Variants in PDE2A observed in about 807,000 individuals in gnomAD.
The protein encoded by PDE2A is phosphodiesterase 2A.
A neutral mutation model predicts 133.6 loss-of-function variants in PDE2A; 53 were observed. That is an observed-to-expected ratio of 0.40 (90% CI 0.32 to 0.50). The LOEUF (loss-of-function observed/expected upper bound fraction) is 0.50. Ranked by LOEUF, PDE2A falls within the 20% of genes least tolerant of loss-of-function variation. PDE2A has a pLI of 0.73. For synonymous variants in PDE2A, 491 were observed against 490.2 expected, an observed-to-expected ratio of 1.00 and a Z score of -0.02; for missense variants, 796 against 1,232.4, an observed-to-expected ratio of 0.65 and a Z score of 5.30.
Position 72,648,471 on chromosome 11 carries a change from G to A in PDE2A, c.72-6145C>T, listed in dbSNP as rs139156846. 1.6e-3 allele frequency among the ~76,000 whole-genome samples: 244 copies of A among 152,258 alleles called. 3 individuals are homozygous for A. The highest frequency in any genetic ancestry group is 5.8e-3 in the African/African-American group (240 of 41,536). ...TTCCCAGAGCCCTGGCAGCAGCTCT[G>A]GGTCAGGAAGGGTACAGGCTGAGTG... On this transcript the variant is annotated intron_variant, in intron 1 of 30. Transcript: ENST00000334456.
chr11:72,666,176 C>G (rs1312761371), intron 1 of PDE2A, among the ~76,000 whole-genome samples: 1 of 152,134 alleles, frequency 6.6e-6, no homozygotes, highest in Non-Finnish European at 1.5e-5. Flanking sequence ...AGACTTGGCT[C>G]TCCTCTGAGC....
At chr11:72,653,205 T>TG (rs1427421301) in intron 1 of PDE2A, among the ~76,000 whole-genome samples, 1 of 152,142 alleles carries the variant, frequency 6.6e-6, no homozygotes, top group East Asian at 1.9e-4. Flanking sequence ...GGGCTGGACC[T>TG]GCTGCCTGGC....
chr11:72,581,408 G>C lies in PDE2A; in HGVS notation c.1994C>G (p.Ser665Cys). ...CTTGTAGAGCAGGTAGCAGAAGTGGGAGACAGAAAAGGCGTGCATCCAGTT... is the reference window on the plus strand; with the variant it reads ...CTTGTAGAGCAGGTAGCAGAAGTGGCAGACAGAAAAGGCGTGCATCCAGTT... ...YHNWMHAFSV[S>C]HFCYLLYKNL... Residue 665 changes from serine to cysteine, a missense_variant, in exon 23 of 31, where the codon TCC (serine) becomes TGC (cysteine). Ser to Cys is a moderately radical substitution (Grantham distance 112). Around this residue, in one of 7 missense-constraint regions of PDE2A, gnomAD observed 218 missense variants for 465.9 expected, o/e 0.47. Transcript: ENST00000334456. 1.9e-6 allele frequency: 3 copies of C among 1,612,648 alleles called. No individual in the cohort carries two copies. Among genetic ancestry groups the C allele is most frequent in the Non-Finnish European group, 2.5e-6 (3 of 1,179,662 alleles).
chr11:72,608,794 C>A (rs1857082241), intron 2 of PDE2A, 43 bp from the exon 3 acceptor site: 2 of 1,112,392 alleles, frequency 1.8e-6, no homozygotes, highest in East Asian at 5.1e-5. Context: ...GCCAGGCAGG[C>A]CAGGGCAGCC....
At chr11:72,604,182 G>A (rs1565164567) in intron 4 of PDE2A, among the ~76,000 whole-genome samples, 1 of 152,308 alleles carries the variant, frequency 6.6e-6, no homozygotes, top group East Asian at 1.9e-4. Flanking sequence ...GCAGGCAATG[G>A]CCACATCCTT....
intron 2 of PDE2A, among the ~76,000 whole-genome samples, chr11:72,632,022 G>A (rs1858415593): frequency 6.6e-6 from 1 of 152,214 alleles, no homozygotes; most frequent in African/African-American, 2.4e-5. Flanking sequence ...TCAGAATCGT[G>A]TGGTGGGGAC....
intron 2 of PDE2A, among the ~76,000 whole-genome samples, chr11:72,621,255 C>T (rs945516739): frequency 2.0e-5 from 3 of 152,158 alleles, no homozygotes; most frequent in South Asian, 2.1e-4. Flanking sequence ...GGGAGGAGCT[C>T]GCATCTGGGC....
Position 72,602,730 on chromosome 11 carries a change from C to T in PDE2A, c.323+2408G>A, listed in dbSNP as rs1442349423. ...CTGGGCACTGTGCCAAGCACTTGGCCCCTGTTACCCCATTAAGCCAATAGA... is the reference window on the plus strand; with the variant it reads ...CTGGGCACTGTGCCAAGCACTTGGCTCCTGTTACCCCATTAAGCCAATAGA... On this transcript the variant is annotated intron_variant, in intron 4 of 30. Transcript: ENST00000334456. 2.0e-5 allele frequency among the ~76,000 whole-genome samples: 3 copies of T among 152,306 alleles called. No homozygotes were observed. The South Asian group carries it at 6.2e-4, about 32-fold the overall frequency.
intron 1 of PDE2A, among the ~76,000 whole-genome samples, chr11:72,654,808 G>A (rs1854845096): frequency 6.6e-6 from 1 of 152,134 alleles, no homozygotes; most frequent in Non-Finnish European, 1.5e-5. Context: ...TTAACTCATC[G>A]TTTTGTCTGT....
intron 21 of PDE2A, chr11:72,582,219 G>A (rs1035001176): frequency 1.6e-6 from 1 of 612,264 alleles, no homozygotes; most frequent in Non-Finnish European, 2.9e-6. Context: ...CCCTGGGCAT[G>A]GTTGGTCCAA....
rs762907280 is a variant in PDE2A, at chr11:72,576,894, C to T, written c.*490G>A. The stretch of plus-strand genomic sequence containing the variant: ...TGGTCCTCAGGGGGCCTTCGCCCCG[C>T]GGCTGTTTCTAGTCCTCCCACAGAA... On this transcript the variant is annotated 3_prime_UTR_variant, in exon 31 of 31. Coordinates refer to ENST00000334456, the MANE Select transcript of PDE2A (RefSeq NM_002599.5). 12 of 175,790 alleles carry T rather than the reference C, an allele frequency of 6.8e-5. No homozygotes were observed. The highest frequency in any genetic ancestry group is 2.4e-4 in the Admixed American group (4 of 16,800). The allele number at this position is 175,790 out of a possible 1,614,324, so 10.9% of individuals were successfully genotyped here.
At position 72,581,357 on chromosome 11, in the gene PDE2A, T is replaced by TC. The variant is rs887604661; in HGVS notation, c.2044dup (p.Glu682GlyfsTer16). ...ATGTGGGGGAGATGCAGCCACTCAC[T>TC]CGAGGTAGTTGGTGAGCTCCAGGTT... On this transcript the variant is annotated frameshift_variant and splice_region_variant, in exon 23 of 31. Coordinates refer to ENST00000334456, the MANE Select transcript of PDE2A (RefSeq NM_002599.5). LOFTEE classifies it high-confidence loss of function. 1 of 1,612,990 alleles carries TC rather than the reference T, an allele frequency of 6.2e-7. No homozygotes were observed.
rs535311838 is a variant in PDE2A, at chr11:72,586,043, G to A, written c.1182+27C>T. ...CTGAAAACTGAGCGAGTCGGTGCCCGAGAGAGGCTGAAGGCAGGTCACTCA... is the reference window on the plus strand; with the variant it reads ...CTGAAAACTGAGCGAGTCGGTGCCCAAGAGAGGCTGAAGGCAGGTCACTCA... On this transcript the variant is annotated intron_variant, in intron 14 of 30. Transcript: ENST00000334456. 2.2e-5 allele frequency: 30 copies of A among 1,350,246 alleles called. No homozygotes were observed. In the East Asian group the frequency reaches 3.1e-4, roughly 14 times the overall value. 83.6% of individuals were successfully genotyped at this position (1,350,246 alleles called of 1,614,324 possible).
At chr11:72,627,686 G>A (rs927629349) in intron 2 of PDE2A, among the ~76,000 whole-genome samples, 1 of 152,214 alleles carries the variant, frequency 6.6e-6, no homozygotes, top group African/African-American at 2.4e-5. Context: ...CAATAGAGGA[G>A]CCGGTGTTGG....
intron 1 of PDE2A, among the ~76,000 whole-genome samples, chr11:72,664,474 T>C (rs529720891): frequency 8.6e-5 from 12 of 139,674 alleles, no homozygotes; most frequent in African/African-American, 3.2e-4. Flanking sequence ...CCTGAGTTCA[T>C]GCCATTATCC....
intron 1 of PDE2A, among the ~76,000 whole-genome samples, chr11:72,645,603 A>T (rs1207165903): frequency 6.6e-6 from 1 of 152,130 alleles, no homozygotes; most frequent in African/African-American, 2.4e-5. Flanking sequence ...TTAAATACTG[A>T]TATCTGGAAC....
intron 18 of PDE2A, 94 bp from the exon 19 acceptor site, chr11:72,584,407 G>A: frequency 2.4e-6 from 3 of 1,248,516 alleles, no homozygotes; most frequent in Non-Finnish European, 3.5e-6. Context: ...AGTTTCCGCA[G>A]GTTACGTACG....
intron 2 of PDE2A, among the ~76,000 whole-genome samples, chr11:72,611,192 G>A (rs1175003319): frequency 6.6e-6 from 1 of 152,172 alleles, no homozygotes; most frequent in African/African-American, 2.4e-5. Flanking sequence ...CTGATACAGG[G>A]GGAGAAATTC....
intron 2 of PDE2A, among the ~76,000 whole-genome samples, chr11:72,621,039 T>C (rs544286115): frequency 6.6e-6 from 1 of 152,236 alleles, no homozygotes; most frequent in Non-Finnish European, 1.5e-5. Context: ...CTGCATGCAT[T>C]GGAGCACTGC....
Sources: gnomAD v4.1 joint callset for allele counts (sites outside exome capture counted in the v4.1 genomes callset) on GRCh38, gnomAD v4.1.1 for gene constraint, gnomAD v4.1.1 regional missense constraint, MANE v1.5 for transcripts, NCBI Gene and HGNC (gene_info 2026-07-23, HGNC 2026-07-21) for gene names.